The following BTBD9 variants were observed in gnomAD, a reference collection of about 807,000 sequenced individuals.
BTBD9 encodes the protein BTB domain containing 9, also known as BTB/POZ domain-containing protein 9.
A neutral mutation model predicts 64.3 loss-of-function variants in BTBD9; 49 were observed. The observed-to-expected ratio is 0.76, with a 90% CI of 0.61 to 0.97. BTBD9 has a LOEUF of 0.97. Ranked by LOEUF, BTBD9 falls within the 50% of genes least tolerant of loss-of-function variation. The pLI, the probability that BTBD9 is intolerant of heterozygous loss-of-function variation, is 0.00. For synonymous variants in BTBD9, 260 were observed against 274.7 expected, an observed-to-expected ratio of 0.95 and a Z score of 0.53; for missense variants, 598 against 762.1, an observed-to-expected ratio of 0.78 and a Z score of 2.53.
intron 9 of BTBD9, among the ~76,000 whole-genome samples, chr6:38,241,792 G>GA (rs1318810397): frequency 2.0e-5 from 3 of 152,054 alleles, no homozygotes; most frequent in Non-Finnish European, 2.9e-5. Context: ...AAAACAGAGG[G>GA]AAAAAAACCA....
intron 8 of BTBD9, among the ~76,000 whole-genome samples, chr6:38,265,213 T>C (rs1318069415): frequency 1.3e-5 from 2 of 151,970 alleles, no homozygotes; most frequent in African/African-American, 2.4e-5. Flanking sequence ...TACAAAAATG[T>C]GAGGAGGTGG....
At chr6:38,199,786 G>T (rs1743790842) in intron 9 of BTBD9, among the ~76,000 whole-genome samples, 3 of 152,214 alleles carry the variant, frequency 2.0e-5, no homozygotes, top group Admixed American at 2.0e-4. Context: ...ATCCCTGCCT[G>T]ATAACCCTCA....
chr6:38,342,394 G>C (rs1253416737), intron 7 of BTBD9, among the ~76,000 whole-genome samples: 1 of 151,956 alleles, frequency 6.6e-6, no homozygotes, highest in African/African-American at 2.4e-5. Context: ...AAATTAGCCA[G>C]GCGTTGTGGC....
intron 6 of BTBD9, among the ~76,000 whole-genome samples, chr6:38,358,289 C>A (rs1278736594): frequency 6.6e-6 from 1 of 151,984 alleles, no homozygotes; most frequent in Non-Finnish European, 1.5e-5. Context: ...ATCCACACTG[C>A]ACCCTTCCTT....
At chr6:38,252,998 C>T (rs555090791) in intron 9 of BTBD9, among the ~76,000 whole-genome samples, 45 of 152,240 alleles carry the variant, frequency 3.0e-4, no homozygotes, top group African/African-American at 1.1e-3. Context: ...CCTGTAATCC[C>T]AGCTACTCAG....
At chr6:38,266,659 AAAGAAAGAAAG>A (rs1765012882) in intron 8 of BTBD9, among the ~76,000 whole-genome samples, 2 of 125,684 alleles carry the variant, frequency 1.6e-5, no homozygotes, top group South Asian at 4.8e-4. Flanking sequence ...AGAAAGAAAG[AAAGAAAGAAAG>A]AAAGAAAGAA....
intron 1 of BTBD9, among the ~76,000 whole-genome samples, chr6:38,624,645 G>T (rs1017507314): frequency 1.4e-4 from 21 of 150,726 alleles, no homozygotes; most frequent in Non-Finnish European, 2.7e-4. Flanking sequence ...CAACAGAATG[G>T]TACACAAAAT....
At chr6:38,366,625 A>G (rs983646201) in intron 6 of BTBD9, among the ~76,000 whole-genome samples, 1 of 152,248 alleles carries the variant, frequency 6.6e-6, no homozygotes, top group African/African-American at 2.4e-5. Context: ...TTAAAACGAA[A>G]TATTTTGGAA....
chr6:38,587,882 G>A (rs1409077880), intron 4 of BTBD9: 6 of 722,626 alleles, frequency 8.3e-6, no homozygotes, highest in Admixed American at 7.1e-5. Context: ...TGTTACGTCG[G>A]CATTTGGCTT....
intron 8 of BTBD9, among the ~76,000 whole-genome samples, chr6:38,262,966 C>G (rs1764845532): frequency 6.6e-6 from 1 of 152,234 alleles, no homozygotes; most frequent in Admixed American, 6.5e-5. Context: ...AACTGTCCAT[C>G]ATTTGTGGGA....
rs577834652 is a variant in BTBD9 at position 38,297,660 on chromosome 6, T to TAAC, written c.1265-9202_1265-9200dup. 5.4e-3 allele frequency among the ~76,000 whole-genome samples: 826 copies of TAAC among 152,306 alleles called. 3 individuals carry two copies. The highest frequency in any genetic ancestry group is 0.011 in the South Asian group (53 of 4,828). Reference sequence around the variant, plus strand: ...TTCTATTTTTCTGGTCTCTTGTAAATAACATAATAGATTTTTAAAAGATTC... The same window carrying TAAC: ...TTCTATTTTTCTGGTCTCTTGTAAATAACAACATAATAGATTTTTAAAAGATTC... On this transcript the variant is annotated intron_variant, in intron 7 of 10. Coordinates refer to ENST00000481247, the MANE Select transcript of BTBD9 (RefSeq NM_001099272.2).
intron 1 of BTBD9, among the ~76,000 whole-genome samples, 184 bp from the exon 2 acceptor site, chr6:38,598,305 T>C (rs930938939): frequency 1.3e-5 from 2 of 152,182 alleles, no homozygotes; most frequent in African/African-American, 4.8e-5. Flanking sequence ...TTCCCTTAAC[T>C]GTACTCCCTT....
intron 8 of BTBD9, 107 bp downstream of exon 8, chr6:38,288,165 C>A: frequency 8.6e-7 from 1 of 1,160,380 alleles, no homozygotes; most frequent in Non-Finnish European, 1.2e-6. Flanking sequence ...GAGCAAAGAA[C>A]AGTAGAATTT....
chr6:38,308,915 G>T (rs1211307415), intron 7 of BTBD9, among the ~76,000 whole-genome samples: 1 of 151,652 alleles, frequency 6.6e-6, no homozygotes, highest in Non-Finnish European at 1.5e-5. Context: ...GAGCCACTGC[G>T]CCTGGGCCAA....
chr6:38,522,513 C>T (rs543455485), intron 6 of BTBD9, among the ~76,000 whole-genome samples: 37 of 152,342 alleles, frequency 2.4e-4, no homozygotes, highest in African/African-American at 7.9e-4. Context: ...CTTTGACGTC[C>T]GTCTGGGTCT....
intron 6 of BTBD9, among the ~76,000 whole-genome samples, chr6:38,440,694 T>C (rs1165915886): frequency 6.6e-6 from 1 of 152,228 alleles, no homozygotes; most frequent in Non-Finnish European, 1.5e-5. Flanking sequence ...CTTTTAGGTA[T>C]GTCAAATTTA....
At chr6:38,360,584 C>A (rs563101092) in intron 6 of BTBD9, among the ~76,000 whole-genome samples, 1 of 152,208 alleles carries the variant, frequency 6.6e-6, no homozygotes, top group South Asian at 2.1e-4. Context: ...AAAGGCTTCC[C>A]AGATGTGACT....
At chr6:38,596,297 A>C (rs1777027231) in intron 2 of BTBD9, among the ~76,000 whole-genome samples, 1 of 152,230 alleles carries the variant, frequency 6.6e-6, no homozygotes, top group South Asian at 2.1e-4. Flanking sequence ...CTACAAAGAC[A>C]TCAAGAACAA....
chr6:38,285,537 G>A (rs1761696957), intron 8 of BTBD9, among the ~76,000 whole-genome samples: 1 of 152,036 alleles, frequency 6.6e-6, no homozygotes, highest in African/African-American at 2.4e-5. Flanking sequence ...AGGGAGGTGT[G>A]GGGTACCAGG....
Sources: allele counts gnomAD v4.1 joint callset (sites outside exome capture counted in the v4.1 genomes callset), GRCh38; gene constraint gnomAD v4.1.1; transcripts MANE v1.5; gene names NCBI Gene and HGNC (gene_info 2026-07-23, HGNC 2026-07-21).